Variants in KLHL20 observed in about 807,000 individuals in gnomAD.
KLHL20 encodes kelch like family member 20.
A neutral mutation model predicts 69.5 loss-of-function variants in KLHL20; 29 were observed. That is an observed-to-expected ratio of 0.42 (90% CI 0.31 to 0.57). KLHL20 has a LOEUF of 0.57. KLHL20 is among the 20% of genes least tolerant of loss of function. KLHL20 has a pLI of 0.18. For synonymous variants in KLHL20, 253 were observed against 265.2 expected, an observed-to-expected ratio of 0.95 and a Z score of 0.45; for missense variants, 419 against 776.0, an observed-to-expected ratio of 0.54 and a Z score of 5.47.
At chr1:173,766,862 A>G (rs1647755421) in intron 8 of KLHL20, among the ~76,000 whole-genome samples, 1 of 152,202 alleles carries the variant, frequency 6.6e-6, no homozygotes, top group African/African-American at 2.4e-5. Flanking sequence ...AGGTTGCGGA[A>G]TGGCTAAATC....
chr1:173,720,356 C>T lies in KLHL20; in HGVS notation c.23+4290C>T, dbSNP rs571774937. The stretch of plus-strand genomic sequence containing the variant: ...AAAAAAAAAAAGATAAGAGAGAGTA[C>T]CAAGACCCAGAATTGTCTGACATGC... On this transcript the variant is annotated intron_variant, in intron 2 of 11. Coordinates refer to ENST00000209884, the MANE Select transcript of KLHL20 (RefSeq NM_014458.4). 7.3e-4 allele frequency among the ~76,000 whole-genome samples: 111 copies of T among 151,158 alleles called. 1 individual carries two copies. The highest frequency in any genetic ancestry group is 2.6e-3 in the African/African-American group (108 of 41,136).
intron 7 of KLHL20, among the ~76,000 whole-genome samples, chr1:173,764,735 G>A (rs1462061684): frequency 1.3e-5 from 2 of 152,010 alleles, no homozygotes; most frequent in Admixed American, 1.3e-4. Flanking sequence ...GGGAAGAGTG[G>A]AAGGGGGTCA....
chr1:173,735,130 T>C (rs1442485897), intron 3 of KLHL20, among the ~76,000 whole-genome samples: 1 of 152,162 alleles, frequency 6.6e-6, no homozygotes, highest in Non-Finnish European at 1.5e-5. Context: ...TAAATCACAC[T>C]GAGGTTGATA....
At chr1:173,734,339 T>A in intron 3 of KLHL20, 53 bp downstream of exon 3, 1 of 1,451,980 alleles carries the variant, frequency 6.9e-7, no homozygotes, top group Non-Finnish European at 9.7e-7. Context: ...GCAATATGGG[T>A]TCACATTCTG....
At chr1:173,724,598 C>T (rs1671867698) in intron 2 of KLHL20, among the ~76,000 whole-genome samples, 1 of 151,940 alleles carries the variant, frequency 6.6e-6, no homozygotes, top group Admixed American at 6.6e-5. Flanking sequence ...TGACTTTTAC[C>T]TAGTAATTTA....
intron 3 of KLHL20, among the ~76,000 whole-genome samples, chr1:173,749,213 G>A (rs1342822028): frequency 6.6e-6 from 1 of 152,094 alleles, no homozygotes; most frequent in Non-Finnish European, 1.5e-5. Flanking sequence ...ATACAGTGTT[G>A]CTCTGCTCAT....
At chr1:173,739,100 T>A (rs1672671505) in intron 3 of KLHL20, among the ~76,000 whole-genome samples, 1 of 151,722 alleles carries the variant, frequency 6.6e-6, no homozygotes, top group Non-Finnish European at 1.5e-5. Context: ...GGAGATGGAG[T>A]CTTGCTCTGT....
chr1:173,776,195 A>G (rs1648454574), intron 10 of KLHL20, among the ~76,000 whole-genome samples: 1 of 152,108 alleles, frequency 6.6e-6, no homozygotes, highest in Non-Finnish European at 1.5e-5. Context: ...GATGTTGAGC[A>G]CCTTTTCATA....
At chr1:173,748,878 T>C (rs966804131) in intron 3 of KLHL20, among the ~76,000 whole-genome samples, 2 of 152,174 alleles carry the variant, frequency 1.3e-5, no homozygotes, top group Non-Finnish European at 2.9e-5. Flanking sequence ...AGCTATACAC[T>C]TAAAATTTTT....
chr1:173,738,683 C>CTGA, intron 3 of KLHL20, among the ~76,000 whole-genome samples: 1 of 152,214 alleles, frequency 6.6e-6, no homozygotes, highest in East Asian at 1.9e-4. Flanking sequence ...GCCGATTTTC[C>CTGA]TGAGCATTTC....
chr1:173,760,093 T>C, intron 7 of KLHL20, among the ~76,000 whole-genome samples: 1 of 152,042 alleles, frequency 6.6e-6, no homozygotes, highest in African/African-American at 2.4e-5. Flanking sequence ...GTCTCAGTAA[T>C]AGATATGAAC....
At chr1:173,718,950 AAAAAATTAGCCGGGTGC>A (rs1426856966) in intron 2 of KLHL20, among the ~76,000 whole-genome samples, 4 of 151,650 alleles carry the variant, frequency 2.6e-5, no homozygotes, top group Non-Finnish European at 5.9e-5. Flanking sequence ...TAAAAAATAC[AAAAAATTAGCCGGGTGC>A]GGTGGCGGGC....
At chr1:173,748,849 A>C (rs1673185199) in intron 3 of KLHL20, among the ~76,000 whole-genome samples, 1 of 152,174 alleles carries the variant, frequency 6.6e-6, no homozygotes, top group Non-Finnish European at 1.5e-5. Context: ...ATGAGTATAT[A>C]ATTTATCAGA....
chr1:173,750,955 C>T (rs1428809012), intron 3 of KLHL20, among the ~76,000 whole-genome samples: 1 of 152,098 alleles, frequency 6.6e-6, no homozygotes, highest in Admixed American at 6.6e-5. Context: ...ATGATTATAA[C>T]CCTGTCCCAA....
chr1:173,745,287 C>T (rs1390228659), intron 3 of KLHL20, among the ~76,000 whole-genome samples: 17 of 150,488 alleles, frequency 1.1e-4, no homozygotes, highest in African/African-American at 2.0e-4. Flanking sequence ...CTCAGCTTCC[C>T]GGGAAGCTGA....
chr1:173,762,957 G>T (rs1475018740), intron 7 of KLHL20, among the ~76,000 whole-genome samples: 1 of 152,130 alleles, frequency 6.6e-6, no homozygotes, highest in East Asian at 1.9e-4. Context: ...CTGATGATAT[G>T]ATTGTTTACC....
At position 173,771,733 on chromosome 1, in the gene KLHL20, A is replaced by G. The variant is rs1223229154; in HGVS notation, c.1296-2572A>G. On this transcript the variant is annotated intron_variant, in intron 8 of 11. Coordinates refer to ENST00000209884, the MANE Select transcript of KLHL20 (RefSeq NM_014458.4). ...TAATGAGCTATGATTGCACCACTCT[A>G]CCCCACCCTGGGTGACAGACTGACC... Among the ~76,000 whole-genome samples the G allele has an allele frequency of 2.0e-5, 3 of 152,094 alleles. No homozygotes were observed. In the East Asian group the frequency reaches 5.8e-4, roughly 29 times the overall value.
chr1:173,779,132 G>A (rs1365154497), intron 10 of KLHL20, among the ~76,000 whole-genome samples: 2 of 151,630 alleles, frequency 1.3e-5, no homozygotes, highest in Non-Finnish European at 2.9e-5. Flanking sequence ...TATAGGTTTT[G>A]GTATGTTGTT....
intron 2 of KLHL20, among the ~76,000 whole-genome samples, chr1:173,717,233 C>T (rs1671509340): frequency 6.6e-6 from 1 of 152,198 alleles, no homozygotes; most frequent in African/African-American, 2.4e-5. Flanking sequence ...AAAATAAGAG[C>T]TTATTATTTT....
Sources: gnomAD v4.1 joint callset for allele counts (sites outside exome capture counted in the v4.1 genomes callset) on GRCh38, gnomAD v4.1.1 for gene constraint, MANE v1.5 for transcripts, NCBI Gene and HGNC (gene_info 2026-07-23, HGNC 2026-07-21) for gene names.